Variants in IGFBP2 observed in about 807,000 individuals in gnomAD.
IGFBP2 encodes insulin like growth factor binding protein 2, also known as insulin-like growth factor-binding protein 2.
IGFBP2 carries 12 observed loss-of-function variants against 26.2 expected under a neutral mutation model. The observed-to-expected ratio is 0.46, with a 90% CI of 0.29 to 0.74. The LOEUF (loss-of-function observed/expected upper bound fraction) is 0.74. IGFBP2 is among the 30% of genes least tolerant of loss of function. The pLI is 0.09. For synonymous variants in IGFBP2, 189 were observed against 200.6 expected (o/e 0.94, Z 0.49); for missense variants, 328 against 441.2 (o/e 0.74, Z 2.30).
chr2:216,662,913 A>C (rs1432185173), intron 3 of IGFBP2: 1 of 152,116 alleles, frequency 6.6e-6, no homozygotes, highest in African/African-American at 2.4e-5. Flanking sequence ...TCCTAACCTC[A>C]GATGATCCCC....
chr2:216,635,488 C>G (rs1697477960), intron 1 of IGFBP2, among the ~76,000 whole-genome samples: 1 of 152,200 alleles, frequency 6.6e-6, no homozygotes, highest in Non-Finnish European at 1.5e-5. Flanking sequence ...TGAACTCTGA[C>G]AAACTAAACA....
chr2:216,650,108 G>C lies in IGFBP2; in HGVS notation c.443-10449G>C, dbSNP rs182129542. Among the ~76,000 whole-genome samples the C allele has an allele frequency of 8.5e-5, 13 of 152,292 alleles. No homozygotes were observed. The East Asian group carries it at 2.5e-3, about 29-fold the overall frequency. On this transcript the variant is annotated intron_variant, in intron 1 of 3. Transcript: ENST00000233809. ...ACAGAGAGAATCACAAAGGCATGGG[G>C]GCCTGGCAATGCCAGAGCTTGAGAG...
chr2:216,659,822 G>C (rs1646931377), intron 1 of IGFBP2: 5 of 1,184,726 alleles, frequency 4.2e-6, no homozygotes, highest in Non-Finnish European at 6.1e-6. Flanking sequence ...GTTGGGGTGG[G>C]CTGCACAGAC....
chr2:216,661,832 G>T (rs1253349450), intron 2 of IGFBP2, 26 bp from the exon 3 acceptor site: 1 of 1,613,714 alleles, frequency 6.2e-7, no homozygotes, highest in East Asian at 2.2e-5. Flanking sequence ...CTCACTCCGG[G>T]CGTCCCCTGC....
chr2:216,662,088 C>A lies in IGFBP2; in HGVS notation c.813+90C>A, dbSNP rs888638886. The A allele has an allele frequency of 1.3e-5, 19 of 1,436,240 alleles. No individual in the cohort carries two copies. In the Admixed American group the frequency reaches 2.5e-4, roughly 19 times the overall value. The allele number at this position is 1,436,240 out of a possible 1,614,324, so 89.0% of individuals were successfully genotyped here. Reference sequence around the variant, plus strand: ...GTTTCTGCCCCACCCGCCTATGATCCTCTGAGGTCTGAGCTGAGTGAGAGA... The same window carrying A: ...GTTTCTGCCCCACCCGCCTATGATCATCTGAGGTCTGAGCTGAGTGAGAGA... On this transcript the variant is annotated intron_variant, in intron 3 of 3. Transcript: ENST00000233809.
intron 2 of IGFBP2, chr2:216,661,271 T>G: frequency 4.0e-6 from 1 of 249,666 alleles, no homozygotes; most frequent in Non-Finnish European, 7.8e-6. Flanking sequence ...CCTGGCCAGT[T>G]TTGTATTTTT....
At chr2:216,652,685 G>T (rs1168120584) in intron 1 of IGFBP2, among the ~76,000 whole-genome samples, 1 of 152,186 alleles carries the variant, frequency 6.6e-6, no homozygotes, top group Non-Finnish European at 1.5e-5. Flanking sequence ...GGAGGAGGAT[G>T]GTGGTTAGTA....
intron 3 of IGFBP2, 128 bp from the exon 4 acceptor site, chr2:216,663,812 G>A: frequency 2.2e-6 from 2 of 890,404 alleles, no homozygotes; most frequent in South Asian, 2.0e-5. Flanking sequence ...CATATTTGAA[G>A]TTGCGAAGCT....
At chr2:216,637,802 A>C (rs1164923685) in intron 1 of IGFBP2, among the ~76,000 whole-genome samples, 1 of 152,206 alleles carries the variant, frequency 6.6e-6, no homozygotes, top group Non-Finnish European at 1.5e-5. Context: ...GGAGGCTTAG[A>C]TAGTTCTCAC....
At chr2:216,652,704 G>A (rs1174012596) in intron 1 of IGFBP2, among the ~76,000 whole-genome samples, 1 of 152,198 alleles carries the variant, frequency 6.6e-6, no homozygotes, top group African/African-American at 2.4e-5. Flanking sequence ...TATTTATTCT[G>A]TTGCCCAACA....
At chr2:216,638,006 A>G (rs1697533460) in intron 1 of IGFBP2, among the ~76,000 whole-genome samples, 1 of 152,106 alleles carries the variant, frequency 6.6e-6, no homozygotes, top group Non-Finnish European at 1.5e-5. Flanking sequence ...TGGCCAGTAT[A>G]GTGAAACCTC....
At chr2:216,647,727 A>G (rs373092135) in intron 1 of IGFBP2, among the ~76,000 whole-genome samples, 149 of 152,180 alleles carry the variant, frequency 9.8e-4, no homozygotes, top group African/African-American at 2.6e-3. Context: ...TCACCATGTT[A>G]GCCAGGATGG....
intron 1 of IGFBP2, among the ~76,000 whole-genome samples, chr2:216,646,820 A>G (rs568662349): frequency 6.6e-6 from 1 of 152,300 alleles, no homozygotes; most frequent in African/African-American, 2.4e-5. Flanking sequence ...CCCTCCTACA[A>G]CATGTAGGAA....
Position 216,638,462 on chromosome 2 carries a change from G to A in IGFBP2, c.442+4497G>A, listed in dbSNP as rs191566858. Among the ~76,000 whole-genome samples the A allele has an allele frequency of 9.4e-5, 14 of 148,638 alleles. No homozygotes were observed. In the East Asian group the frequency reaches 1.7e-3, roughly 18 times the overall value. ...GGAGGTTGCAGTGAGCCGAGATGGC[G>A]CCACTCCACTCCAGCCTGGGCAACA... On this transcript the variant is annotated intron_variant, in intron 1 of 3. Transcript: ENST00000233809.
chr2:216,635,101 C>T (rs1191505556), intron 1 of IGFBP2, among the ~76,000 whole-genome samples: 1 of 151,908 alleles, frequency 6.6e-6, no homozygotes, highest in African/African-American at 2.4e-5. Context: ...TCTTCGTAAG[C>T]CCCCCACCCC....
intron 1 of IGFBP2, among the ~76,000 whole-genome samples, chr2:216,636,578 T>C (rs993446247): frequency 3.3e-5 from 5 of 151,482 alleles, no homozygotes; most frequent in Non-Finnish European, 5.9e-5. Flanking sequence ...GGGGAAGGGG[T>C]GGGTAGGCCT....
intron 1 of IGFBP2, among the ~76,000 whole-genome samples, chr2:216,640,660 G>A (rs925363587): frequency 1.3e-5 from 2 of 152,216 alleles, no homozygotes; most frequent in Non-Finnish European, 2.9e-5. Context: ...AATGCTGAGA[G>A]GCTAACCTGG....
Position 216,659,490 on chromosome 2 carries a change from G to A in IGFBP2, c.443-1067G>A, listed in dbSNP as rs1697987732. ...TTTGCCGTGTCTCCAAGGGGTTGGG[G>A]CTGGGGCTCGGCGGTGTGAGGCCCT... On this transcript the variant is annotated intron_variant, in intron 1 of 3. Transcript: ENST00000233809. 3 of 563,978 alleles carry A rather than the reference G, an allele frequency of 5.3e-6. No individual in the cohort carries two copies. In the East Asian group the frequency reaches 9.1e-5, roughly 17 times the overall value. 34.9% of individuals were successfully genotyped at this position (563,978 alleles called of 1,614,324 possible).
At chr2:216,638,106 T>A (rs539339432) in intron 1 of IGFBP2, among the ~76,000 whole-genome samples, 6 of 151,954 alleles carry the variant, frequency 3.9e-5, no homozygotes, top group Non-Finnish European at 8.8e-5. Context: ...GAGAATTGCT[T>A]GAACCCGGGA....
Sources: allele counts gnomAD v4.1 joint callset (sites outside exome capture counted in the v4.1 genomes callset), GRCh38; gene constraint gnomAD v4.1.1; transcripts MANE v1.5; gene names NCBI Gene and HGNC (gene_info 2026-07-23, HGNC 2026-07-21).